SLC12A4: variants seen among roughly 807,000 people sequenced by gnomAD.
The protein encoded by SLC12A4 is solute carrier family 12 member 4, also known as electroneutral potassium-chloride cotransporter 1.
Under a neutral mutation model 119.2 loss-of-function variants are expected in SLC12A4, and 84 were observed. The observed-to-expected ratio is 0.70, with a 90% CI of 0.59 to 0.85. The LOEUF is 0.85. Among genes scored for constraint, SLC12A4 ranks in the 40% least tolerant of loss-of-function variants. The pLI is 0.00. For missense variants in SLC12A4, 1,298 were observed against 1,476.3 expected, an observed-to-expected ratio of 0.88 and a Z score of 1.98; for synonymous variants, 599 against 604.6, an observed-to-expected ratio of 0.99 and a Z score of 0.14.
chr16:67,966,585 C>T (rs116214025), intron 1 of SLC12A4, among the ~76,000 whole-genome samples: 7 of 152,364 alleles, frequency 4.6e-5, no homozygotes, highest in African/African-American at 1.7e-4. Flanking sequence ...CACCTCCCTA[C>T]CCCCTGCCCA....
At chr16:67,966,387 G>A (rs2030869967) in intron 1 of SLC12A4, among the ~76,000 whole-genome samples, 1 of 152,332 alleles carries the variant, frequency 6.6e-6, no homozygotes, top group African/African-American at 2.4e-5. Context: ...TGCCTGCCAG[G>A]CTGAAGCTGC....
rs1730387457 is a variant in SLC12A4 at position 67,943,651 on chromosome 16, CAG to C, written c.*1187_*1188del. ...AAGGAAGGAGTGGTGGGGCTTGGCC[CAG>C]AGTCTGGTGTGGCTGTGACTGACCA... On this transcript the variant is annotated 3_prime_UTR_variant, in exon 24 of 24. Coordinates refer to ENST00000316341, the MANE Select transcript of SLC12A4 (RefSeq NM_005072.5). The surrounding 1 kb of genome is among the most constrained non-coding windows in gnomAD (Gnocchi z 4.6). 4 of 531,102 alleles carry C rather than the reference CAG, an allele frequency of 7.5e-6. No homozygotes were observed. Among genetic ancestry groups the C allele is most frequent in the African/African-American group, 3.8e-5 (2 of 52,648 alleles). 32.9% of individuals were successfully genotyped at this position (531,102 alleles called of 1,614,324 possible).
Position 67,946,351 on chromosome 16 carries a change from G to A in SLC12A4, c.2438-11C>T, listed in dbSNP as rs536961865. The stretch of plus-strand genomic sequence containing the variant: ...TGCAGCGCACGGTGTCTGGGGAGGA[G>A]GAGCACGGCTGACCACCAGTCTGTG... On this transcript the variant is annotated splice_polypyrimidine_tract_variant and intron_variant, in intron 18 of 23. Coordinates refer to ENST00000316341, the MANE Select transcript of SLC12A4 (RefSeq NM_005072.5). 2 of 1,606,948 alleles carry A rather than the reference G, an allele frequency of 1.2e-6. No individual in the cohort carries two copies. Among genetic ancestry groups the A allele is most frequent in the African/African-American group, 1.3e-5 (1 of 75,054 alleles).
At chr16:67,946,782 T>C in intron 17 of SLC12A4, 149 bp from the exon 18 acceptor site, 1 of 1,219,656 alleles carries the variant, frequency 8.2e-7, no homozygotes, top group Admixed American at 2.3e-5. Flanking sequence ...GTTTTCAAGA[T>C]GGGACTGCTG....
At position 67,966,896 on chromosome 16, in the gene SLC12A4, G is replaced by T. The variant is rs993834348; in HGVS notation, c.115+1543C>A. 1.9e-5 allele frequency: 28 copies of T among 1,487,796 alleles called. No homozygotes were observed. In the African/African-American group the frequency reaches 3.6e-4, roughly 19 times the overall value. 92.2% of individuals were successfully genotyped at this position (1,487,796 alleles called of 1,614,324 possible). Reference sequence around the variant, plus strand: ...CAGGACTCAGCCAATGTAGCTCCAGGTCCCTCCAGTCACCCTGTAGGGGCC... The same window carrying T: ...CAGGACTCAGCCAATGTAGCTCCAGTTCCCTCCAGTCACCCTGTAGGGGCC... On this transcript the variant is annotated intron_variant, in intron 1 of 23. Transcript: ENST00000316341.
chr16:67,950,783 C>A lies in SLC12A4; in HGVS notation c.1397-72G>T. ...CTGAATAGTACCACGTGCCCCCACC[C>A]CAGCCAGACTACCAGGACACCTACA... On this transcript the variant is annotated intron_variant, in intron 10 of 23. Coordinates refer to ENST00000316341, the MANE Select transcript of SLC12A4 (RefSeq NM_005072.5). The surrounding 1 kb of genome is among the most constrained non-coding windows in gnomAD (Gnocchi z 4.3). 1 of 1,549,500 alleles carries A rather than the reference C, an allele frequency of 6.5e-7. No individual in the cohort carries two copies. Among genetic ancestry groups the A allele is most frequent in the East Asian group, 2.4e-5 (1 of 41,460 alleles).
At chr16:67,946,672 G>GCTCC in intron 17 of SLC12A4, 39 bp from the exon 18 acceptor site, 1 of 1,579,414 alleles carries the variant, frequency 6.3e-7, no homozygotes, top group Non-Finnish European at 8.6e-7. Context: ...GAGGCCATCA[G>GCTCC]CTTCCTGCCT....
chr16:67,950,418 G>A lies in SLC12A4; in HGVS notation c.1530C>T (p.Gly510=), dbSNP rs1445182734. 1 of 1,613,924 alleles carries A rather than the reference G, an allele frequency of 6.2e-7. No homozygotes were observed. The highest frequency in any genetic ancestry group is 1.3e-5 in the African/African-American group (1 of 74,924). The stretch of plus-strand genomic sequence containing the variant: ...CAGCGCCACACGTTGAAAAGAAGGA[G>A]CCGATGACGATGACCCAGGGTGAAG... ...AWPSPWVIVI[G]SFFSTCGAGL... The change falls in exon 12 of 24, where the codon GGC becomes GGT. Residue 510 remains glycine (G), a synonymous_variant. Coordinates refer to ENST00000316341, the MANE Select transcript of SLC12A4 (RefSeq NM_005072.5). The surrounding 1 kb of genome is among the most constrained non-coding windows in gnomAD (Gnocchi z 4.3).
At chr16:67,964,445 A>G (rs1598233314) in intron 1 of SLC12A4, among the ~76,000 whole-genome samples, 2 of 148,078 alleles carry the variant, frequency 1.4e-5, no homozygotes, top group Admixed American at 1.3e-4. Flanking sequence ...CTGTTTTCCA[A>G]CTCTTGTCCC....
At position 67,947,785 on chromosome 16, in the gene SLC12A4, C is replaced by T. The variant is rs1802307; in HGVS notation, c.1851G>A (p.Ala617=). The change falls in exon 15 of 24, where the codon GCG becomes GCA. Residue 617 remains alanine (A), a synonymous_variant. Transcript: ENST00000316341. ...AGAGACTCATGCCCAGGAAGGACAG[C>T]GCCCTGGACGAGAGGGGAGGGCAGA... ...WRPRFKYYHW[A]LSFLGMSLCL... 720 of 1,589,038 alleles carry T rather than the reference C, an allele frequency of 4.5e-4. 3 individuals carry two copies. The African/African-American group carries it at 8.1e-3, about 18-fold the overall frequency.
chr16:67,957,521 T>A, intron 5 of SLC12A4: 1 of 588,240 alleles, frequency 1.7e-6, no homozygotes, highest in East Asian at 2.9e-5. Flanking sequence ...CCCTTTTTTT[T>A]TCTTTTTTGG....
chr16:67,956,821 A>AACAC lies in SLC12A4; in HGVS notation c.544+917_544+920dup, dbSNP rs903184799. Among the ~76,000 whole-genome samples the AACAC allele has an allele frequency of 5.0e-5, 7 of 139,878 alleles. No individual in the cohort carries two copies. In the South Asian group the frequency reaches 1.3e-3, roughly 27 times the overall value. The allele number at this position is 139,878 out of a possible 152,430, so 91.8% of individuals were successfully genotyped here. ...CATATACTTTTGGGAAATACACACA[A>AACAC]ACACACACACACATATATATATATA... On this transcript the variant is annotated intron_variant, in intron 5 of 23. Transcript: ENST00000316341.
At position 67,943,861 on chromosome 16, in the gene SLC12A4, G is replaced by C; in HGVS notation, c.*979C>G. ...ATGTCGGGGCTTATGCAGGGCAGAA[G>C]GGCTTTGGCCAGGTCAGCTGCCAGG... On this transcript the variant is annotated 3_prime_UTR_variant, in exon 24 of 24. Coordinates refer to ENST00000316341, the MANE Select transcript of SLC12A4 (RefSeq NM_005072.5). This position sits in a 1 kb window ranked among gnomAD's most constrained non-coding sequence, Gnocchi z 4.6. 1 of 1,296,402 alleles carries C rather than the reference G, an allele frequency of 7.7e-7. No homozygotes were observed. The highest frequency in any genetic ancestry group is 1.1e-6 in the Non-Finnish European group (1 of 947,470). 80.3% of individuals were successfully genotyped at this position (1,296,402 alleles called of 1,614,324 possible).
intron 1 of SLC12A4, chr16:67,964,185 G>A: frequency 8.2e-7 from 1 of 1,225,752 alleles, no homozygotes; most frequent in African/African-American, 1.5e-5. Flanking sequence ...AAGTCGGACG[G>A]GTGGGTGTCG....
In SLC12A4 at chr16:67,948,046, A is replaced by G. The variant is rs1382937614; in HGVS notation, c.1847+15T>C. The G allele has an allele frequency of 6.2e-7, 1 of 1,612,166 alleles. No homozygotes were observed. The highest frequency in any genetic ancestry group is 1.1e-5 in the South Asian group (1 of 91,076). ...TGGCCTCCCCAGGGTCTCCCGTGTC[A>G]GAGGCATGGCTCACCAGTGATAGTA... On this transcript the variant is annotated intron_variant, in intron 14 of 23. Coordinates refer to ENST00000316341, the MANE Select transcript of SLC12A4 (RefSeq NM_005072.5).
chr16:67,944,524 A>G lies in SLC12A4; in HGVS notation c.*316T>C. 1.6e-6 allele frequency: 2 copies of G among 1,266,894 alleles called. No individual in the cohort carries two copies. The highest frequency in any genetic ancestry group is 2.0e-6 in the Non-Finnish European group (2 of 1,004,174). 78.5% of individuals were successfully genotyped at this position (1,266,894 alleles called of 1,614,324 possible). A position where few individuals can be genotyped will look rare whatever the true frequency, so the allele number is the denominator to read the frequency against. On this transcript the variant is annotated 3_prime_UTR_variant, in exon 24 of 24. Transcript: ENST00000316341. This position sits in a 1 kb window ranked among gnomAD's most constrained non-coding sequence, Gnocchi z 6.6. The stretch of plus-strand genomic sequence containing the variant: ...TCCAAACAATAAATATGCAATAAAT[A>G]GCGCTCCTGGGCTGGGCCGGGCCGG...
intron 1 of SLC12A4, 26 bp from the exon 2 acceptor site, chr16:67,963,585 G>A: frequency 6.6e-7 from 1 of 1,504,626 alleles, no homozygotes. Context: ...GACAATCAGG[G>A]CCTGCTTCCT....
At position 67,949,858 on chromosome 16, in the gene SLC12A4, T is replaced by C. The variant is rs763093616; in HGVS notation, c.1690A>G (p.Ile564Val). The C allele has an allele frequency of 5.0e-6, 8 of 1,609,878 alleles. No homozygotes were observed. In the African/African-American group the frequency reaches 8.1e-5, roughly 16 times the overall value. Residue 564 changes from isoleucine (I) to valine (V), a missense_variant, in exon 13 of 24, where the codon ATC becomes GTC. Coordinates refer to ENST00000316341, the MANE Select transcript of SLC12A4 (RefSeq NM_005072.5). The surrounding 1 kb of genome is among the most constrained non-coding windows in gnomAD (Gnocchi z 4.6). ...GCGATGAGGATGCCCAGCTCGGCGA[T>C]GAGTGCCGTCAGGAGGAGTGCCCAT... ...PTWALLLTAL[I>V]AELGILIASL...
chr16:67,963,548 G>A lies in SLC12A4; in HGVS notation c.127C>T (p.His43Tyr), dbSNP rs1183438189. The A allele has an allele frequency of 6.3e-7, 1 of 1,579,526 alleles. No homozygotes were observed. Among genetic ancestry groups the A allele is most frequent in the Non-Finnish European group, 8.6e-7 (1 of 1,168,672 alleles). The change falls in exon 2 of 24, where the codon CAC (histidine) becomes TAC (tyrosine). Residue 43 changes from histidine (H) to tyrosine (Y), a missense_variant. Physicochemically the swap from His to Tyr is moderately conservative, Grantham distance 83. Coordinates refer to ENST00000316341, the MANE Select transcript of SLC12A4 (RefSeq NM_005072.5). Reference sequence around the variant, plus strand: ...GAAAGAAAAGGGCTGCTCTCTCTGTGGTTGCCATGTCCTGTGAAGAGAGAG... The same window carrying A: ...GAAAGAAAAGGGCTGCTCTCTCTGTAGTTGCCATGTCCTGTGAAGAGAGAG... ...ELDDSDGHGN[H>Y]RESSPFLSPL...
Sources: allele counts gnomAD v4.1 joint callset (sites outside exome capture counted in the v4.1 genomes callset), GRCh38; gene constraint gnomAD v4.1.1; non-coding constraint Gnocchi (gnomAD v3.1); transcripts MANE v1.5; gene names NCBI Gene and HGNC (gene_info 2026-07-23, HGNC 2026-07-21).